LCMT1: variants seen among roughly 807,000 people sequenced by gnomAD.
LCMT1 encodes the protein [Phosphatase 2A protein]-leucine-carboxy methyltransferase 1.
LCMT1 carries 32 observed loss-of-function variants against 47.7 expected under a neutral mutation model. The observed-to-expected ratio is 0.67, with a 90% confidence interval of 0.51 to 0.90. LCMT1 has a LOEUF of 0.90. Among genes scored for constraint, LCMT1 ranks in the 40% least tolerant of loss-of-function variants. LCMT1 has a pLI of 0.00. For missense variants in LCMT1, 375 were observed against 415.2 expected (o/e 0.90, Z 0.84); for synonymous variants, 152 against 149.7 (o/e 1.02, Z -0.11).
At chr16:25,166,556 A>G (rs141518756) in intron 7 of LCMT1, among the ~76,000 whole-genome samples, 1,655 of 152,244 alleles carry the variant, frequency 0.011, 31 homozygotes, top group African/African-American at 0.039. Flanking sequence ...GCACACCACC[A>G]TGCCCAGCTA....
chr16:25,125,930 T>G, intron 1 of LCMT1: 1 of 1,138,778 alleles, frequency 8.8e-7, no homozygotes, highest in South Asian at 1.8e-5. Context: ...TGATGTCCTA[T>G]AAATCCTAAA....
rs1962015002 is a variant in LCMT1, at chr16:25,178,155, T to A, written c.*132T>A. On this transcript the variant is annotated 3_prime_UTR_variant, in exon 11 of 11. Coordinates refer to ENST00000399069, the MANE Select transcript of LCMT1 (RefSeq NM_016309.3). The stretch of plus-strand genomic sequence containing the variant: ...CACACTCTTGAGAAGCCTTGGTCAC[T>A]ACAGTGGTCGCACATGTTCCTCTTC... 1 of 744,738 alleles carries A rather than the reference T, an allele frequency of 1.3e-6. No homozygotes were observed. Among genetic ancestry groups the A allele is most frequent in the East Asian group, 2.6e-5 (1 of 38,130 alleles). The allele number at this position is 744,738 out of a possible 1,614,324, so 46.1% of individuals were successfully genotyped here.
chr16:25,132,551 C>G, intron 3 of LCMT1, 28 bp downstream of exon 3: 1 of 1,605,424 alleles, frequency 6.2e-7, no homozygotes, highest in Non-Finnish European at 8.5e-7. Flanking sequence ...TCCTCCCTCC[C>G]CAAGTGTTTA....
chr16:25,154,465 C>G (rs375058733), intron 5 of LCMT1, among the ~76,000 whole-genome samples: 1 of 150,654 alleles, frequency 6.6e-6, no homozygotes, highest in African/African-American at 2.4e-5. Flanking sequence ...TTTATAGGAA[C>G]GCTTCATAAC....
intron 8 of LCMT1, chr16:25,169,570 A>G (rs1961691923): frequency 5.4e-6 from 1 of 186,576 alleles, no homozygotes; most frequent in Admixed American, 5.5e-5. Context: ...AGATGTTGGA[A>G]TATTTTCAGG....
intron 1 of LCMT1, 50 bp from the exon 2 acceptor site, chr16:25,128,425 C>A: frequency 7.2e-7 from 1 of 1,396,876 alleles, no homozygotes; most frequent in South Asian, 1.3e-5. Flanking sequence ...GGACCTTGGT[C>A]TGAACCTACT....
chr16:25,122,895 C>T (rs1960035352), intron 1 of LCMT1, among the ~76,000 whole-genome samples: 1 of 152,152 alleles, frequency 6.6e-6, no homozygotes, highest in Non-Finnish European at 1.5e-5. Context: ...AAGTGATCCT[C>T]CTGCCTCAGT....
intron 1 of LCMT1, among the ~76,000 whole-genome samples, chr16:25,123,823 G>C (rs540605841): frequency 7.2e-5 from 11 of 152,048 alleles, no homozygotes; most frequent in African/African-American, 2.7e-4. Flanking sequence ...TGGCCAGGCT[G>C]GTCTCGAACT....
intron 4 of LCMT1, chr16:25,143,645 C>T (rs1333609532): frequency 6.6e-6 from 1 of 152,230 alleles, no homozygotes; most frequent in Non-Finnish European, 1.5e-5. Flanking sequence ...TGCCAGTCTT[C>T]TCCCAGATAA....
intron 2 of LCMT1, among the ~76,000 whole-genome samples, chr16:25,129,807 G>T (rs1424027308): frequency 6.6e-6 from 1 of 152,178 alleles, no homozygotes; most frequent in Non-Finnish European, 1.5e-5. Context: ...GCATATCTTA[G>T]TTTTCACGCC....
At chr16:25,164,435 G>T (rs192246215) in intron 6 of LCMT1, among the ~76,000 whole-genome samples, 163 bp from the exon 7 acceptor site, 1 of 152,184 alleles carries the variant, frequency 6.6e-6, no homozygotes. Context: ...GGATTGTGAC[G>T]GTATTCCACA....
intron 2 of LCMT1, chr16:25,131,970 T>A (rs1197607814): frequency 4.8e-6 from 1 of 207,790 alleles, no homozygotes; most frequent in Non-Finnish European, 1.0e-5. Context: ...CAAATATAGC[T>A]TCCTTTGTGT....
At chr16:25,147,911 T>G (rs2141675919) in intron 4 of LCMT1, 2 of 152,348 alleles carry the variant, frequency 1.3e-5, no homozygotes, top group Admixed American at 1.3e-4. Context: ...GGCTGGAGTT[T>G]CTTTTTCTTT....
chr16:25,170,493 A>G (rs1171402902), intron 8 of LCMT1, among the ~76,000 whole-genome samples: 1 of 152,094 alleles, frequency 6.6e-6, no homozygotes. Context: ...TACCAAGCAC[A>G]CTGGCTCACA....
intron 3 of LCMT1, among the ~76,000 whole-genome samples, chr16:25,136,855 C>T (rs573620495): frequency 4.6e-5 from 7 of 152,154 alleles, no homozygotes; most frequent in South Asian, 4.1e-4. Context: ...CTTTCTTAAG[C>T]GCTCCGGGTG....
intron 6 of LCMT1, among the ~76,000 whole-genome samples, chr16:25,161,869 C>T (rs1240034206): frequency 6.6e-6 from 1 of 151,028 alleles, no homozygotes; most frequent in Non-Finnish European, 1.5e-5. Flanking sequence ...CCAGGCAGCT[C>T]AAAGAAGAAA....
chr16:25,133,203 A>G (rs550513748), intron 3 of LCMT1, among the ~76,000 whole-genome samples: 2 of 152,122 alleles, frequency 1.3e-5, no homozygotes, highest in African/African-American at 4.8e-5. Flanking sequence ...TGTCAGGATA[A>G]TGGCTTCTTG....
At chr16:25,158,107 G>C (rs925808589) in intron 5 of LCMT1, among the ~76,000 whole-genome samples, 4 of 152,208 alleles carry the variant, frequency 2.6e-5, no homozygotes, top group Non-Finnish European at 5.9e-5. Flanking sequence ...AATCAGATTG[G>C]ACACCACCCC....
In LCMT1 at chr16:25,147,570, C is replaced by T. The variant is rs540604343; in HGVS notation, c.405-3984C>T. The T allele has an allele frequency of 5.3e-5, 8 of 152,240 alleles. 1 individual carries two copies. The South Asian group carries it at 8.3e-4, about 16-fold the overall frequency. The allele number at this position is 152,240 out of a possible 1,614,324, so 9.4% of individuals were successfully genotyped here. On this transcript the variant is annotated intron_variant, in intron 4 of 10. Coordinates refer to ENST00000399069, the MANE Select transcript of LCMT1 (RefSeq NM_016309.3). ...TTCTCTGTCCATTCACAGAATAGGT[C>T]GGGCGGTAAGATAGTGTTAAAACTA...
Sources: gnomAD v4.1 joint callset for allele counts (sites outside exome capture counted in the v4.1 genomes callset) on GRCh38, gnomAD v4.1.1 for gene constraint, MANE v1.5 for transcripts, NCBI Gene and HGNC (gene_info 2026-07-23, HGNC 2026-07-21) for gene names.